HRH1: variants seen among roughly 807,000 people sequenced by gnomAD.
HRH1 encodes the protein histamine H1 receptor.
A neutral mutation model predicts 10.3 loss-of-function variants in HRH1; 6 were observed. That is an observed-to-expected ratio of 0.58 (90% CI 0.32 to 1.15). HRH1 has a LOEUF of 1.15. HRH1 is among the 50% of genes most tolerant of loss of function. The probability of loss-of-function intolerance (pLI) is 0.05; values close to 1 mark genes in which losing one functional copy is unlikely to be tolerated. For synonymous variants in HRH1, 242 were observed against 236.7 expected, an observed-to-expected ratio of 1.02 and a Z score of -0.21; for missense variants, 514 against 615.3, an observed-to-expected ratio of 0.84 and a Z score of 1.74.
At chr3:11,172,344 C>CCAG in intron 1 of HRH1, among the ~76,000 whole-genome samples, 1 of 152,204 alleles carries the variant, frequency 6.6e-6, no homozygotes, top group Non-Finnish European at 1.5e-5. Flanking sequence ...TCACACTGCC[C>CCAG]CAGCCCTCAG....
intron 1 of HRH1, among the ~76,000 whole-genome samples, chr3:11,196,177 T>G (rs1472605021): frequency 6.6e-6 from 1 of 152,184 alleles, no homozygotes; most frequent in Non-Finnish European, 1.5e-5. Flanking sequence ...CACACGATCT[T>G]GCATGATCCA....
intron 1 of HRH1, chr3:11,234,615 A>C: frequency 7.0e-7 from 1 of 1,436,658 alleles, no homozygotes; most frequent in African/African-American, 1.4e-5. Flanking sequence ...CATTGCTTGG[A>C]GTTTCATGGT....
At chr3:11,167,835 C>T (rs1206807795) in intron 1 of HRH1, among the ~76,000 whole-genome samples, 4 of 152,202 alleles carry the variant, frequency 2.6e-5, no homozygotes, top group Non-Finnish European at 5.9e-5. Context: ...TGGGGCCTGC[C>T]AGGCCTTGCC....
At chr3:11,257,345 C>T (rs1436211534) in intron 1 of HRH1, among the ~76,000 whole-genome samples, 1 of 151,270 alleles carries the variant, frequency 6.6e-6, no homozygotes, top group Non-Finnish European at 1.5e-5. Flanking sequence ...CACCTGAGGT[C>T]AGGAGTTCAA....
chr3:11,156,564 G>T (rs1454274793), intron 1 of HRH1, among the ~76,000 whole-genome samples: 1 of 152,228 alleles, frequency 6.6e-6, no homozygotes, highest in Non-Finnish European at 1.5e-5. Context: ...GAGCTCACCT[G>T]TTGGGGTTCA....
At chr3:11,246,015 T>C (rs1270659201) in intron 1 of HRH1, among the ~76,000 whole-genome samples, 7 of 145,478 alleles carry the variant, frequency 4.8e-5, no homozygotes, top group African/African-American at 1.3e-4. Context: ...CATACACACA[T>C]ACACTCACAC....
chr3:11,208,153 CTT>C (rs113950173), intron 1 of HRH1, among the ~76,000 whole-genome samples: 17 of 139,928 alleles, frequency 1.2e-4, no homozygotes, highest in Admixed American at 2.1e-4. Flanking sequence ...CCAGTTTTTT[CTT>C]TTTTTTTTTT....
At chr3:11,258,368 C>T (rs1316718494) in intron 1 of HRH1, among the ~76,000 whole-genome samples, 1 of 152,104 alleles carries the variant, frequency 6.6e-6, no homozygotes, top group African/African-American at 2.4e-5. Flanking sequence ...CAGCAAGGCC[C>T]TAGGCTGGCA....
intron 1 of HRH1, among the ~76,000 whole-genome samples, chr3:11,138,646 C>T (rs1014738167): frequency 6.6e-6 from 1 of 151,610 alleles, no homozygotes; most frequent in Non-Finnish European, 1.5e-5. Context: ...GGTATATACC[C>T]AGAAAAATGG....
At chr3:11,234,409 G>A in intron 1 of HRH1, 2 of 1,605,168 alleles carry the variant, frequency 1.2e-6, no homozygotes, top group Non-Finnish European at 8.5e-7. Context: ...GCATGGCCCG[G>A]AACCGGTCTA....
At chr3:11,191,418 TC>T (rs1446854213) in intron 1 of HRH1, among the ~76,000 whole-genome samples, 1 of 152,112 alleles carries the variant, frequency 6.6e-6, no homozygotes, top group Non-Finnish European at 1.5e-5. Flanking sequence ...CTCCCCCTCT[TC>T]CCATAGCACC....
In HRH1 at chr3:11,259,304, C is replaced by T; in HGVS notation, c.267C>T (p.Leu89=). 1 of 1,613,734 alleles carries T rather than the reference C, an allele frequency of 6.2e-7. No homozygotes were observed. Among genetic ancestry groups the T allele is most frequent in the Non-Finnish European group, 8.5e-7 (1 of 1,180,012 alleles). ...VVMPMNILYL[L]MSKWSLGRPL... is the part of the protein sequence containing the mutation. ...TGCCTATGAACATCCTCTACCTGCT[C>T]ATGTCCAAGTGGTCACTGGGCCGTC... Residue 89 remains leucine (L), a synonymous_variant, in exon 2 of 2, where the codon CTC becomes CTT. Transcript: ENST00000431010. The surrounding 1 kb of genome is among the most constrained non-coding windows in gnomAD (Gnocchi z 4.6).
chr3:11,196,254 G>A (rs1375346089), intron 1 of HRH1, among the ~76,000 whole-genome samples: 3 of 152,170 alleles, frequency 2.0e-5, no homozygotes, highest in Non-Finnish European at 4.4e-5. Flanking sequence ...GCAGTTGCCC[G>A]GCTCCTCAGC....
intron 1 of HRH1, among the ~76,000 whole-genome samples, chr3:11,196,049 C>G (rs1392688756): frequency 1.3e-5 from 2 of 152,198 alleles, no homozygotes; most frequent in Admixed American, 6.5e-5. Flanking sequence ...CCCGCCAAGT[C>G]CATTCTCTTT....
rs1431564799 is a variant in HRH1 at position 11,261,209 on chromosome 3, C to T, written c.*708C>T. On this transcript the variant is annotated 3_prime_UTR_variant, in exon 2 of 2. Coordinates refer to ENST00000431010, the MANE Select transcript of HRH1 (RefSeq NM_001098212.2). ...CTTGCACACCCATCGTCTTTAACCC[C>T]AAATTTCCTTTGGCTATTAAAAAAG... The T allele has an allele frequency of 6.0e-6, 1 of 167,072 alleles. No homozygotes were observed. The highest frequency in any genetic ancestry group is 1.5e-5 in the Non-Finnish European group (1 of 68,126). The allele number at this position is 167,072 out of a possible 1,614,324, so 10.3% of individuals were successfully genotyped here.
chr3:11,166,142 C>T (rs1190513850), intron 1 of HRH1, among the ~76,000 whole-genome samples: 2 of 152,204 alleles, frequency 1.3e-5, no homozygotes, highest in Non-Finnish European at 2.9e-5. Flanking sequence ...ATGCTCCCAC[C>T]TTCTCAGCCC....
At chr3:11,139,812 T>C (rs1936256753) in intron 1 of HRH1, among the ~76,000 whole-genome samples, 1 of 152,104 alleles carries the variant, frequency 6.6e-6, no homozygotes, top group Non-Finnish European at 1.5e-5. Context: ...AGATTCATGG[T>C]CGCCAAGAGA....
At chr3:11,160,380 A>G (rs915595997) in intron 1 of HRH1, among the ~76,000 whole-genome samples, 1 of 152,206 alleles carries the variant, frequency 6.6e-6, no homozygotes, top group Admixed American at 6.5e-5. Context: ...AACTCCCTTA[A>G]CAATGCTATG....
intron 1 of HRH1, among the ~76,000 whole-genome samples, chr3:11,138,979 C>T (rs1028572250): frequency 3.4e-5 from 5 of 145,502 alleles, no homozygotes; most frequent in African/African-American, 1.3e-4. Flanking sequence ...CTGGCCATAG[C>T]TGCATTGTTC....
Sources: allele counts gnomAD v4.1 joint callset (sites outside exome capture counted in the v4.1 genomes callset), GRCh38; gene constraint gnomAD v4.1.1; non-coding constraint Gnocchi (gnomAD v3.1); transcripts MANE v1.5; gene names NCBI Gene and HGNC (gene_info 2026-07-23, HGNC 2026-07-21).